ATP8A2: variants seen among roughly 807,000 people sequenced by gnomAD.
ATP8A2 encodes the protein ATPase phospholipid transporting 8A2.
In ATP8A2, 100 loss-of-function variants were observed where a neutral mutation model predicts 165.6. The ratio of observed to expected loss-of-function variants is 0.60; its 90% CI spans 0.51 to 0.71. The LOEUF (loss-of-function observed/expected upper bound fraction) is 0.71. Among genes scored for constraint, ATP8A2 ranks in the 30% least tolerant of loss-of-function variants. The probability of loss-of-function intolerance (pLI) is 0.00; values close to 1 mark genes in which losing one functional copy is unlikely to be tolerated. For synonymous variants in ATP8A2, 543 were observed against 548.8 expected (o/e 0.99, Z 0.15); for missense variants, 1,227 against 1,479.5 (o/e 0.83, Z 2.80).
chr13:25,865,167 C>T (rs983195978), intron 33 of ATP8A2, among the ~76,000 whole-genome samples: 2 of 152,060 alleles, frequency 1.3e-5, no homozygotes, highest in African/African-American at 4.8e-5. Context: ...GGAATTGGCT[C>T]TTTTGGGGAA....
chr13:25,806,835 ACTTGTATTGTCTGTCTTTT>A (rs562667949), intron 27 of ATP8A2, among the ~76,000 whole-genome samples: 2 of 152,236 alleles, frequency 1.3e-5, no homozygotes, highest in Admixed American at 1.3e-4. Context: ...CCTCACCAGC[ACTTGTATTGTCTGTCTTTT>A]TTTACTATAA....
intron 24 of ATP8A2, among the ~76,000 whole-genome samples, chr13:25,694,598 C>A (rs2042796690): frequency 6.6e-6 from 1 of 152,188 alleles, no homozygotes; most frequent in Admixed American, 6.5e-5. Context: ...AAAGGGCAGG[C>A]TGTTGTTTTA....
intron 1 of ATP8A2, among the ~76,000 whole-genome samples, chr13:25,435,913 G>A (rs1042394434): frequency 3.0e-4 from 8 of 26,336 alleles, no homozygotes; most frequent in African/African-American, 7.2e-4. Flanking sequence ...AAAAAGCATC[G>A]TGTGTGTGTG....
intron 1 of ATP8A2, among the ~76,000 whole-genome samples, chr13:25,459,632 T>C (rs1405515997): frequency 6.6e-6 from 1 of 152,194 alleles, no homozygotes; most frequent in African/African-American, 2.4e-5. Flanking sequence ...GGTCACAAAG[T>C]GCTTCTGTGG....
At chr13:25,848,537 C>A (rs7333536) in intron 30 of ATP8A2, among the ~76,000 whole-genome samples, 1 of 152,134 alleles carries the variant, frequency 6.6e-6, no homozygotes, top group African/African-American at 2.4e-5. Context: ...TTTTTACTTC[C>A]TTTTTCAGAT....
intron 25 of ATP8A2, among the ~76,000 whole-genome samples, chr13:25,729,108 C>CCCCG: frequency 6.6e-6 from 1 of 152,178 alleles, no homozygotes; most frequent in Non-Finnish European, 1.5e-5. Context: ...CACCCTCCCC[C>CCCCG]TCTCTCCTTT....
intron 27 of ATP8A2, among the ~76,000 whole-genome samples, chr13:25,778,302 C>T (rs74688509): frequency 0.028 from 4,212 of 152,234 alleles, 186 homozygotes; most frequent in African/African-American, 0.096. Flanking sequence ...TTTATTTATA[C>T]AACAACAAGT....
intron 24 of ATP8A2, among the ~76,000 whole-genome samples, chr13:25,687,149 C>T (rs981664027): frequency 1.3e-5 from 2 of 152,104 alleles, no homozygotes; most frequent in South Asian, 2.1e-4. Context: ...GTGCTCTGGC[C>T]GGGGTCAGGA....
At chr13:25,571,882 C>T (rs1490253257) in intron 18 of ATP8A2, 190 bp downstream of exon 18, 1 of 633,124 alleles carries the variant, frequency 1.6e-6, no homozygotes, top group Non-Finnish European at 2.9e-6. Context: ...TATTGTTTTC[C>T]CCTTCAAGAT....
At chr13:25,752,920 C>G (rs2044182999) in intron 25 of ATP8A2, among the ~76,000 whole-genome samples, 1 of 152,192 alleles carries the variant, frequency 6.6e-6, no homozygotes, top group South Asian at 2.1e-4. Flanking sequence ...TTGCCACCCT[C>G]TAGCGTGTCT....
chr13:25,423,102 G>A (rs1053160134), intron 1 of ATP8A2, among the ~76,000 whole-genome samples: 5 of 152,154 alleles, frequency 3.3e-5, no homozygotes, highest in East Asian at 1.9e-4. Flanking sequence ...GCATCATGAC[G>A]GAAGGCATCA....
intron 27 of ATP8A2, among the ~76,000 whole-genome samples, chr13:25,805,729 A>C (rs1950719272): frequency 6.6e-6 from 1 of 152,200 alleles, no homozygotes; most frequent in Non-Finnish European, 1.5e-5. Context: ...ATAAAATGGC[A>C]CATGGCACTT....
intron 2 of ATP8A2, among the ~76,000 whole-genome samples, chr13:25,480,268 C>T (rs1277884204): frequency 9.3e-5 from 14 of 151,168 alleles, no homozygotes; most frequent in Admixed American, 5.9e-4. Flanking sequence ...CCTTACCTCC[C>T]GGACGGGGCG....
chr13:25,514,496 T>A (rs1389957872), intron 2 of ATP8A2, among the ~76,000 whole-genome samples: 1 of 152,160 alleles, frequency 6.6e-6, no homozygotes, highest in Non-Finnish European at 1.5e-5. Context: ...GGTGAAGGAC[T>A]TTTAGACATG....
intron 15 of ATP8A2, 54 bp downstream of exon 15, chr13:25,559,819 T>C: frequency 7.8e-7 from 1 of 1,276,246 alleles, no homozygotes; most frequent in Non-Finnish European, 1.1e-6. Context: ...TTTGGAATAA[T>C]TATTTATTAT....
chr13:25,561,712 A>G (rs141474348), intron 15 of ATP8A2, among the ~76,000 whole-genome samples: 141 of 152,342 alleles, frequency 9.3e-4, no homozygotes, highest in Non-Finnish European at 1.4e-3. Flanking sequence ...TTTTGCAGCC[A>G]TCCGCACCAT....
At chr13:25,653,362 A>T (rs753217345) in intron 24 of ATP8A2, among the ~76,000 whole-genome samples, 7 of 152,230 alleles carry the variant, frequency 4.6e-5, no homozygotes, top group Non-Finnish European at 7.3e-5. Context: ...AGAAAACCAA[A>T]TACCACATGT....
At chr13:25,412,825 A>AT (rs776953664) in intron 1 of ATP8A2, among the ~76,000 whole-genome samples, 2 of 152,024 alleles carry the variant, frequency 1.3e-5, no homozygotes, top group African/African-American at 2.4e-5. Flanking sequence ...AAATGGATCA[A>AT]TTTTTTTTGG....
chr13:25,641,659 A>T (rs9511852), intron 24 of ATP8A2, among the ~76,000 whole-genome samples: 1 of 151,760 alleles, frequency 6.6e-6, no homozygotes, highest in African/African-American at 2.4e-5. Flanking sequence ...AATCAATATC[A>T]TGAAAATGGC....
Sources: allele counts gnomAD v4.1 joint callset (sites outside exome capture counted in the v4.1 genomes callset), GRCh38; gene constraint gnomAD v4.1.1; transcripts MANE v1.5; gene names NCBI Gene and HGNC (gene_info 2026-07-23, HGNC 2026-07-21).